The following AMBRA1 variants were observed in gnomAD, a reference collection of about 807,000 sequenced individuals.
The protein encoded by AMBRA1 is activating molecule in BECN1-regulated autophagy protein 1.
A neutral mutation model predicts 125.4 loss-of-function variants in AMBRA1; 47 were observed. That is an observed-to-expected ratio of 0.37 (90% CI 0.30 to 0.48). The LOEUF is 0.48. Ranked by LOEUF, AMBRA1 falls within the 20% of genes least tolerant of loss-of-function variation. AMBRA1 has a pLI of 0.99. For missense variants in AMBRA1, 1,331 were observed against 1,693.4 expected (o/e 0.79, Z 3.76); for synonymous variants, 626 against 655.5 (o/e 0.95, Z 0.69).
chr11:46,576,499 T>C (rs191782258), intron 1 of AMBRA1, among the ~76,000 whole-genome samples: 2 of 152,336 alleles, frequency 1.3e-5, no homozygotes, highest in Admixed American at 1.3e-4. Flanking sequence ...AAGTCATCTC[T>C]GTCACCTCCC....
chr11:46,408,421 C>T (rs1461449380), intron 17 of AMBRA1, 92 bp downstream of exon 17: 9 of 1,304,860 alleles, frequency 6.9e-6, no homozygotes, highest in Non-Finnish European at 9.0e-6. Flanking sequence ...ATCACCCAGA[C>T]ATGGGAGGGG....
At chr11:46,565,802 C>T (rs1210940101) in intron 1 of AMBRA1, among the ~76,000 whole-genome samples, 2 of 151,982 alleles carry the variant, frequency 1.3e-5, no homozygotes, top group Admixed American at 1.3e-4. Context: ...AGGGGTCTCC[C>T]TCTGTCGCCC....
intron 17 of AMBRA1, 49 bp downstream of exon 17, chr11:46,408,464 C>T (rs368343912): frequency 1.8e-5 from 26 of 1,417,528 alleles, no homozygotes; most frequent in Non-Finnish European, 2.3e-5. Context: ...GGCACTCACT[C>T]GGTCTTAGGG....
chr11:46,463,992 T>G (rs998256726), intron 11 of AMBRA1, among the ~76,000 whole-genome samples: 3 of 152,162 alleles, frequency 2.0e-5, no homozygotes, highest in Non-Finnish European at 4.4e-5. Context: ...AAAGGAGAGA[T>G]AGGGAGCTTT....
At chr11:46,489,441 G>C (rs1040568804) in intron 11 of AMBRA1, among the ~76,000 whole-genome samples, 3 of 152,090 alleles carry the variant, frequency 2.0e-5, no homozygotes, top group South Asian at 4.1e-4. Context: ...ACCGCACCTG[G>C]CCAGTTTTTC....
chr11:46,508,148 G>C (rs767219422), intron 9 of AMBRA1, 43 bp downstream of exon 9: 1 of 1,607,182 alleles, frequency 6.2e-7, no homozygotes, highest in East Asian at 2.2e-5. Flanking sequence ...AGCACTCCAA[G>C]CTTGAGAGGA....
intron 11 of AMBRA1, among the ~76,000 whole-genome samples, chr11:46,469,100 G>A (rs543578790): frequency 3.6e-4 from 55 of 151,982 alleles, no homozygotes; most frequent in Non-Finnish European, 6.9e-4. Context: ...CCGAAATCAC[G>A]CCACTGAACT....
At chr11:46,497,467 T>C (rs1448255605) in intron 9 of AMBRA1, among the ~76,000 whole-genome samples, 1 of 152,166 alleles carries the variant, frequency 6.6e-6, no homozygotes, top group Non-Finnish European at 1.5e-5. Context: ...GTCATCTCAA[T>C]ACAAGGCAGA....
chr11:46,503,207 T>C (rs909676489), intron 9 of AMBRA1, among the ~76,000 whole-genome samples: 11 of 151,860 alleles, frequency 7.2e-5, no homozygotes, highest in Non-Finnish European at 1.3e-4. Flanking sequence ...TGACATAAAG[T>C]GAGAGATGTG....
At chr11:46,546,217 G>A (rs1361841938) in intron 4 of AMBRA1, 1 of 153,424 alleles carries the variant, frequency 6.5e-6, no homozygotes, top group Non-Finnish European at 1.4e-5. Flanking sequence ...ATATAATTTT[G>A]TGTATAATAT....
chr11:46,576,550 A>T (rs2043967022), intron 1 of AMBRA1, among the ~76,000 whole-genome samples: 1 of 152,198 alleles, frequency 6.6e-6, no homozygotes, highest in African/African-American at 2.4e-5. Flanking sequence ...TCCCAGAAAG[A>T]TAGTCTTTGG....
intron 1 of AMBRA1, among the ~76,000 whole-genome samples, chr11:46,568,330 C>T (rs952562209): frequency 2.0e-5 from 3 of 151,126 alleles, no homozygotes; most frequent in South Asian, 4.2e-4. Flanking sequence ...TGGTGGCAGG[C>T]GCCTGTAATT....
At chr11:46,441,271 T>C (rs914752597) in intron 12 of AMBRA1, among the ~76,000 whole-genome samples, 3 of 152,128 alleles carry the variant, frequency 2.0e-5, no homozygotes, top group African/African-American at 7.2e-5. Context: ...CCCAGCACTT[T>C]GGGAGGCCGA....
intron 11 of AMBRA1, among the ~76,000 whole-genome samples, chr11:46,486,838 G>C (rs1318885224): frequency 6.6e-6 from 1 of 151,892 alleles, no homozygotes; most frequent in East Asian, 1.9e-4. Flanking sequence ...CCCAGGAGAT[G>C]GAGGTTACAG....
At chr11:46,517,868 T>C (rs1206642122) in intron 7 of AMBRA1, among the ~76,000 whole-genome samples, 1 of 142,672 alleles carries the variant, frequency 7.0e-6, no homozygotes, top group East Asian at 2.0e-4. Context: ...ACTTAAAGAA[T>C]AGGATAAGCT....
At chr11:46,573,158 A>G (rs996411605) in intron 1 of AMBRA1, among the ~76,000 whole-genome samples, 1 of 151,068 alleles carries the variant, frequency 6.6e-6, no homozygotes, top group African/African-American at 2.4e-5. Flanking sequence ...TAATCCTAGC[A>G]CTTTGGGAGA....
At chr11:46,471,250 T>C (rs1011318951) in intron 11 of AMBRA1, among the ~76,000 whole-genome samples, 2 of 151,910 alleles carry the variant, frequency 1.3e-5, no homozygotes, top group Admixed American at 1.3e-4. Flanking sequence ...AAGACCAGCC[T>C]GGCCAACATG....
chr11:46,548,636 C>A, intron 1 of AMBRA1, 136 bp from the exon 2 acceptor site: 1 of 451,086 alleles, frequency 2.2e-6, no homozygotes, highest in Non-Finnish European at 3.9e-6. Context: ...CCCTTCCTCC[C>A]AGAATTTTTC....
intron 7 of AMBRA1, among the ~76,000 whole-genome samples, chr11:46,524,083 G>A (rs1951869346): frequency 6.6e-6 from 1 of 152,152 alleles, no homozygotes; most frequent in South Asian, 2.1e-4. Flanking sequence ...GGCCAGGCTG[G>A]TCTCGAACTC....
Sources: allele counts gnomAD v4.1 joint callset (sites outside exome capture counted in the v4.1 genomes callset), GRCh38; gene constraint gnomAD v4.1.1; transcripts MANE v1.5; gene names NCBI Gene and HGNC (gene_info 2026-07-23, HGNC 2026-07-21).